Variants in C11orf65 observed in about 807,000 individuals in gnomAD.
The protein encoded by C11orf65 is chromosome 11 open reading frame 65, also known as protein MFI.
A neutral mutation model predicts 35.3 loss-of-function variants in C11orf65; 38 were observed. The observed-to-expected ratio is 1.08, with a 90% CI of 0.83 to 1.41. The LOEUF is 1.41. Among genes scored for constraint, C11orf65 ranks in the 40% most tolerant of loss-of-function variants. C11orf65 has a pLI of 0.00. For missense variants in C11orf65, 370 were observed against 367.1 expected, an observed-to-expected ratio of 1.01 and a Z score of -0.06; for synonymous variants, 105 against 114.4, an observed-to-expected ratio of 0.92 and a Z score of 0.53.
In C11orf65 at chr11:108,431,116, C is replaced by A. The variant is rs189634978; in HGVS notation, c.174+630G>T. On this transcript the variant is annotated intron_variant, in intron 3 of 8. Transcript: ENST00000393084. ...TTTGGGAAATAATCTGGCATTATCT[C>A]CCAGAGTTGTGATAAGGATAATTTG... 3.8e-4 allele frequency among the ~76,000 whole-genome samples: 58 copies of A among 152,126 alleles called. 1 individual carries two copies. The highest frequency in any genetic ancestry group is 3.5e-3 in the Admixed American group (54 of 15,266).
At chr11:108,379,964 C>T (rs2091834174), downstream of C11orf65, among the ~76,000 whole-genome samples, 1 of 152,086 alleles carries the variant, frequency 6.6e-6, no homozygotes, top group African/African-American at 2.4e-5. Flanking sequence ...AGTAGATACC[C>T]ATTACATGAG....
At chr11:108,365,515 G>A (rs2137932221) in intron 2 of C11orf65, 1 of 1,613,834 alleles carries the variant, frequency 6.2e-7, no homozygotes, top group Non-Finnish European at 8.5e-7. Flanking sequence ...GTGATCTTCA[G>A]TATATGAATT....
At position 108,385,961 on chromosome 11, in the gene C11orf65, C is replaced by T. The variant is rs763655421; in HGVS notation, c.746G>A (p.Trp249Ter). 10 of 1,613,694 alleles carry T rather than the reference C, an allele frequency of 6.2e-6. No individual in the cohort carries two copies. The highest frequency in any genetic ancestry group is 1.3e-5 in the African/African-American group (1 of 74,920). The change falls in exon 8 of 9, where the codon TGG becomes TAG. Residue 249 changes from tryptophan to a stop codon, truncating the protein, a stop_gained. Coordinates refer to ENST00000393084, the MANE Select transcript of C11orf65 (RefSeq NM_152587.5). LOFTEE classifies it low-confidence loss of function (END_TRUNC). ...AGAGTTGCTTGTAGCAATTTCCTTC[C>T]AGCTGGCAATGTACCTAAGCACATT... The part of the protein sequence containing the change: ...TLNFDEYIAS[W>*]KEIATSNSSA...
intron 2 of C11orf65, among the ~76,000 whole-genome samples, chr11:108,373,754 G>C (rs1442091943): frequency 6.6e-6 from 1 of 152,230 alleles, no homozygotes; most frequent in Non-Finnish European, 1.5e-5. Flanking sequence ...AAGGGGTCCG[G>C]GAGTTCCCTT....
At chr11:108,454,518 G>C (rs973012468) in intron 2 of C11orf65, among the ~76,000 whole-genome samples, 2 of 152,060 alleles carry the variant, frequency 1.3e-5, no homozygotes, top group Non-Finnish European at 2.9e-5. Context: ...GTCTGGTCTT[G>C]AACTCCCGAC....
chr11:108,439,394 T>C (rs889480994), intron 2 of C11orf65, among the ~76,000 whole-genome samples: 1 of 152,220 alleles, frequency 6.6e-6, no homozygotes, highest in Non-Finnish European at 1.5e-5. Flanking sequence ...GAATGTAAAA[T>C]GGTACAGCCA....
intron 7 of C11orf65, among the ~76,000 whole-genome samples, chr11:108,386,467 A>C (rs769016991): frequency 2.0e-5 from 3 of 152,214 alleles, no homozygotes; most frequent in Non-Finnish European, 4.4e-5. Flanking sequence ...CTGTCTTTGC[A>C]GTGTCCAGAA....
At position 108,422,382 on chromosome 11, in the gene C11orf65, T is replaced by C. The variant is rs531800573; in HGVS notation, c.174+9364A>G. On this transcript the variant is annotated intron_variant, in intron 3 of 8. Coordinates refer to ENST00000393084, the MANE Select transcript of C11orf65 (RefSeq NM_152587.5). ...GTTTTCTTGAAAAAGAATTGTAAGA[T>C]TGGAGGTCTTCTCTACCATTTAATA... is the stretch of plus-strand genomic sequence containing the variant. Among the ~76,000 whole-genome samples, 267 of 152,262 alleles carry C rather than the reference T, an allele frequency of 1.8e-3. 3 individuals carry two copies. Among genetic ancestry groups the C allele is most frequent in the African/African-American group, 6.3e-3 (263 of 41,542 alleles).
intron 2 of C11orf65, among the ~76,000 whole-genome samples, chr11:108,459,047 G>A (rs1259217141): frequency 6.6e-6 from 1 of 152,150 alleles, no homozygotes; most frequent in Non-Finnish European, 1.5e-5. Flanking sequence ...ATTGCCTGGG[G>A]GCTTCATGAC....
chr11:108,453,355 T>G (rs1470668688), intron 2 of C11orf65, among the ~76,000 whole-genome samples: 1 of 150,202 alleles, frequency 6.7e-6, no homozygotes, highest in African/African-American at 2.5e-5. Context: ...ACAGATCAGA[T>G]AAGTAGAAAA....
rs1241923232 is a variant in C11orf65 at position 108,433,353 on chromosome 11, G to A, written c.82-1515C>T. 2.6e-5 allele frequency among the ~76,000 whole-genome samples: 4 copies of A among 151,590 alleles called. No homozygotes were observed. In the East Asian group the frequency reaches 7.7e-4, roughly 29 times the overall value. Reference sequence around the variant, plus strand: ...AGCACTTTGGGAGGCCAAGGTGGGTGGGATCATGAGGTCAGGAGATCGAGA... The same window carrying A: ...AGCACTTTGGGAGGCCAAGGTGGGTAGGATCATGAGGTCAGGAGATCGAGA... On this transcript the variant is annotated intron_variant, in intron 2 of 8. Coordinates refer to ENST00000393084, the MANE Select transcript of C11orf65 (RefSeq NM_152587.5).
intron 2 of C11orf65, among the ~76,000 whole-genome samples, chr11:108,343,735 C>G (rs1318621344): frequency 6.6e-6 from 1 of 152,066 alleles, no homozygotes; most frequent in Non-Finnish European, 1.5e-5. Flanking sequence ...TCCCTTGAAC[C>G]CAGGATTTTG....
intron 6 of C11orf65, among the ~76,000 whole-genome samples, chr11:108,396,602 CG>C (rs1341157496): frequency 6.6e-6 from 1 of 151,366 alleles, no homozygotes; most frequent in Admixed American, 6.6e-5. Context: ...GAGGCCAAGG[CG>C]GGCGGATCAC....
At chr11:108,436,045 A>T (rs1030563276) in intron 2 of C11orf65, among the ~76,000 whole-genome samples, 1 of 152,086 alleles carries the variant, frequency 6.6e-6, no homozygotes, top group Non-Finnish European at 1.5e-5. Flanking sequence ...GATGAGGGAA[A>T]GACTTGACAG....
chr11:108,401,763 G>C (rs2092444150), intron 6 of C11orf65, among the ~76,000 whole-genome samples: 1 of 152,046 alleles, frequency 6.6e-6, no homozygotes, highest in Non-Finnish European at 1.5e-5. Flanking sequence ...TACCCCATCG[G>C]TCTCTCTGAT....
intron 2 of C11orf65, among the ~76,000 whole-genome samples, chr11:108,438,334 T>C (rs1265730448): frequency 3.3e-5 from 5 of 151,972 alleles, no homozygotes; most frequent in Admixed American, 3.3e-4. Flanking sequence ...GGCAGATCAC[T>C]TGAGGTCAGG....
intron 6 of C11orf65, among the ~76,000 whole-genome samples, chr11:108,324,010 C>T (rs2085421896): frequency 6.6e-6 from 1 of 151,942 alleles, no homozygotes; most frequent in South Asian, 2.1e-4. Context: ...TCTTTATCTA[C>T]AGGTTTCCAT....
At position 108,317,642 on chromosome 11, in the gene C11orf65, T is replaced by C. The variant is rs1444897350; in HGVS notation, c.641-8571A>G. On this transcript the variant is annotated intron_variant, in intron 6 of 6. Transcript: ENST00000525729. ...ATATATATATATATATATATATATA[T>C]ATATATATATACACACACACACACA... 4.3e-4 allele frequency: 73 copies of C among 171,002 alleles called. 3 individuals carry two copies. Among genetic ancestry groups the C allele is most frequent in the African/African-American group, 2.3e-3 (59 of 25,884 alleles). The allele number at this position is 171,002 out of a possible 1,614,324, so 10.6% of individuals were successfully genotyped here. A position where few individuals can be genotyped will look rare whatever the true frequency, so the allele number is the denominator to read the frequency against.
At chr11:108,386,112 A>G in intron 7 of C11orf65, 137 bp from the exon 8 acceptor site, 1 of 692,112 alleles carries the variant, frequency 1.4e-6, no homozygotes, top group South Asian at 1.8e-5. Context: ...AACTCTCAAG[A>G]CTTTCTCACC....
Sources: allele counts gnomAD v4.1 joint callset (sites outside exome capture counted in the v4.1 genomes callset), GRCh38; gene constraint gnomAD v4.1.1; transcripts MANE v1.5; gene names NCBI Gene and HGNC (gene_info 2026-07-23, HGNC 2026-07-21).